The following CTDP1 variants were observed in gnomAD, a reference collection of about 807,000 sequenced individuals.
CTDP1 encodes CTD phosphatase 1, also known as RNA polymerase II subunit A C-terminal domain phosphatase.
In CTDP1, 47 loss-of-function variants were observed where a neutral mutation model predicts 91.8. That is an observed-to-expected ratio of 0.51 (90% confidence interval 0.41 to 0.65). CTDP1 has a LOEUF of 0.65. Ranked by LOEUF, CTDP1 falls within the 30% of genes least tolerant of loss-of-function variation. The probability of loss-of-function intolerance (pLI) is 0.00; values close to 1 mark genes in which losing one functional copy is unlikely to be tolerated. For synonymous variants in CTDP1, 656 were observed against 598.5 expected (o/e 1.10, Z -1.40); for missense variants, 1,272 against 1,373.7 (o/e 0.93, Z 1.17).
In CTDP1 at chr18:79,753,797, G is replaced by A; in HGVS notation, c.*7G>A. The A allele has an allele frequency of 1.2e-6, 2 of 1,612,302 alleles. No homozygotes were observed. The highest frequency in any genetic ancestry group is 1.7e-6 in the Non-Finnish European group (2 of 1,179,748). ...GCTCAACGACCTCATGTGAGCGCGG[G>A]CAGCGGGCAGGGACTGAAGCCTGAC... On this transcript the variant is annotated 3_prime_UTR_variant, in exon 13 of 13. Coordinates refer to ENST00000613122, the MANE Select transcript of CTDP1 (RefSeq NM_004715.5).
intron 10 of CTDP1, 25 bp downstream of exon 10, chr18:79,718,041 C>T: frequency 6.2e-7 from 1 of 1,611,222 alleles, no homozygotes; most frequent in Middle Eastern, 1.6e-4. Context: ...AGCCACTGTC[C>T]CCAGCTAATG....
At chr18:79,718,065 C>CT in intron 10 of CTDP1, 49 bp downstream of exon 10, 1 of 1,600,452 alleles carries the variant, frequency 6.2e-7, no homozygotes, top group South Asian at 1.1e-5. Context: ...GCTCTTCAAG[C>CT]TTGCTGCTCC....
At chr18:79,710,667 C>A (rs570853564) in intron 6 of CTDP1, among the ~76,000 whole-genome samples, 2 of 149,512 alleles carry the variant, frequency 1.3e-5, no homozygotes, top group Admixed American at 6.7e-5. Context: ...ACTACAGGCA[C>A]CCACCACCTC....
At position 79,680,057 on chromosome 18, in the gene CTDP1, T is replaced by G. The variant is rs1032105043; in HGVS notation, c.110T>G (p.Val37Gly). The change falls in exon 1 of 13, where the codon GTG (valine) becomes GGG (glycine). Residue 37 changes from valine (V) to glycine (G), a missense_variant. Val to Gly is a moderately radical substitution (Grantham distance 109). This residue lies in a region of CTDP1 where 214 missense variants were observed against 179.1 expected (regional missense o/e 1.19). Coordinates refer to ENST00000613122, the MANE Select transcript of CTDP1 (RefSeq NM_004715.5). ...CCGCTGCGCCTGCTGGAGTGGAGGG[T>G]GGCGGCGGGCGCGGCCGTGCGCATC... ...PAPLRLLEWRVAAGAAVRIGS... is the reference protein window; with the variant it reads ...PAPLRLLEWRGAAGAAVRIGS... The G allele has an allele frequency of 8.0e-7, 1 of 1,252,378 alleles. No individual in the cohort carries two copies. 77.6% of individuals were successfully genotyped at this position (1,252,378 alleles called of 1,614,324 possible).
rs757022244 is a variant in CTDP1, at chr18:79,717,943, A to C, written c.2344A>C (p.Ile782Leu). ...CTACGACTCCAACACGGGGAAGCTCATCAGGACGGGCGCCCGGGGGCCCCC... is the reference window on the plus strand; with the variant it reads ...CTACGACTCCAACACGGGGAAGCTCCTCAGGACGGGCGCCCGGGGGCCCCC... ...RIYDSNTGKL[I>L]RTGARGPPAP... Residue 782 changes from isoleucine (I) to leucine (L), a missense_variant, in exon 10 of 13, where the codon ATC (isoleucine) becomes CTC (leucine). By Grantham distance (5) the Ile-to-Leu change is conservative. Transcript: ENST00000613122. 2.5e-6 allele frequency: 4 copies of C among 1,613,410 alleles called. No homozygotes were observed. The highest frequency in any genetic ancestry group is 2.2e-5 in the South Asian group (2 of 91,090).
Position 79,740,262 on chromosome 18 carries a change from A to G in CTDP1, c.2747+3741A>G, listed in dbSNP as rs1385823461. 3.9e-5 allele frequency among the ~76,000 whole-genome samples: 6 copies of G among 152,080 alleles called. No homozygotes were observed. The South Asian group carries it at 1.2e-3, about 32-fold the overall frequency. On this transcript the variant is annotated intron_variant, in intron 12 of 12. Coordinates refer to ENST00000613122, the MANE Select transcript of CTDP1 (RefSeq NM_004715.5). ...GCCTGCCGTTTGCGGATCGCTGTGG[A>G]CGTGTGGCCGCGATAGCAGCCTGAC...
At chr18:79,730,913 C>T (rs918435196) in intron 11 of CTDP1, among the ~76,000 whole-genome samples, 9 of 152,356 alleles carry the variant, frequency 5.9e-5, no homozygotes, top group African/African-American at 2.2e-4. Flanking sequence ...AGCCGTGGCG[C>T]CTGGTTATTA....
At chr18:79,690,886 C>T (rs1438220752) in intron 1 of CTDP1, among the ~76,000 whole-genome samples, 2 of 152,200 alleles carry the variant, frequency 1.3e-5, no homozygotes, top group East Asian at 1.9e-4. Flanking sequence ...TACGTGACTC[C>T]GACGTGGCCA....
intron 3 of CTDP1, among the ~76,000 whole-genome samples, chr18:79,697,576 A>G (rs1457753847): frequency 2.6e-5 from 4 of 152,204 alleles, no homozygotes; most frequent in Non-Finnish European, 4.4e-5. Context: ...TGAGCACTCC[A>G]TACTGTTGAA....
intron 10 of CTDP1, among the ~76,000 whole-genome samples, chr18:79,727,884 TA>T (rs987352945): frequency 1.3e-5 from 2 of 152,114 alleles, no homozygotes; most frequent in Non-Finnish European, 2.9e-5. Flanking sequence ...AGGCTTGCCT[TA>T]AATTCCAGCA....
Position 79,713,032 on chromosome 18 carries a change from G to T in CTDP1, c.924G>T (p.Trp308Cys), listed in dbSNP as rs2086114593. The change falls in exon 7 of 13, where the codon TGG becomes TGT. Residue 308 changes from tryptophan (W) to cysteine (C), a missense_variant. By Grantham distance (215) the Trp-to-Cys change is radical (BLOSUM62 -2). Transcript: ENST00000613122. The surrounding 1 kb of genome is among the most constrained non-coding windows in gnomAD (Gnocchi z 4.7). Reference sequence around the variant, plus strand: ...TTATTGATGATCGAGAAGATGTCTGGAAGTTTGCCCCCAATCTGATAACTG... The same window carrying T: ...TTATTGATGATCGAGAAGATGTCTGTAAGTTTGCCCCCAATCTGATAACTG... The part of the protein sequence containing the change: ...VCIIDDREDV[W>C]KFAPNLITVK... 1 of 1,614,008 alleles carries T rather than the reference G, an allele frequency of 6.2e-7. No homozygotes were observed. Among genetic ancestry groups the T allele is most frequent in the South Asian group, 1.1e-5 (1 of 91,080 alleles).
intron 1 of CTDP1, among the ~76,000 whole-genome samples, chr18:79,684,062 C>T (rs908108084): frequency 1.3e-5 from 2 of 152,248 alleles, no homozygotes; most frequent in Non-Finnish European, 2.9e-5. Context: ...GAGCAGACAG[C>T]GGCAGCAGCC....
At chr18:79,746,389 C>T (rs2086883453) in intron 12 of CTDP1, among the ~76,000 whole-genome samples, 1 of 152,108 alleles carries the variant, frequency 6.6e-6, no homozygotes, top group African/African-American at 2.4e-5. Context: ...CCGTGCGTCC[C>T]TCCCATGCGT....
At chr18:79,726,721 A>G (rs1402676375) in intron 10 of CTDP1, among the ~76,000 whole-genome samples, 4 of 138,428 alleles carry the variant, frequency 2.9e-5, no homozygotes, top group African/African-American at 8.1e-5. Context: ...TGGGGGATGG[A>G]GGTGACGAGG....
chr18:79,696,178 G>C, intron 3 of CTDP1, 108 bp downstream of exon 3: 1 of 910,324 alleles, frequency 1.1e-6, no homozygotes, highest in South Asian at 1.4e-5. Flanking sequence ...TGTCATCGTC[G>C]TTACTGAAAC....
intron 11 of CTDP1, among the ~76,000 whole-genome samples, chr18:79,734,799 G>A (rs1259392979): frequency 6.6e-6 from 1 of 152,236 alleles, no homozygotes; most frequent in Non-Finnish European, 1.5e-5. Flanking sequence ...ATTCAGTGAT[G>A]TAAGCATTCT....
chr18:79,704,653 G>A (rs1285498112), intron 4 of CTDP1, 114 bp from the exon 5 acceptor site: 29 of 1,421,696 alleles, frequency 2.0e-5, no homozygotes, highest in Non-Finnish European at 2.6e-5. Flanking sequence ...TCTTCAGAAC[G>A]CTTGTCTGGG....
chr18:79,732,037 C>CA (rs563603010), intron 11 of CTDP1, among the ~76,000 whole-genome samples: 1 of 149,638 alleles, frequency 6.7e-6, no homozygotes, highest in Non-Finnish European at 1.5e-5. Flanking sequence ...GGAGTGCTCC[C>CA]AAAATCACAT....
At chr18:79,750,436 A>G (rs2086971973) in intron 12 of CTDP1, among the ~76,000 whole-genome samples, 1 of 152,092 alleles carries the variant, frequency 6.6e-6, no homozygotes, top group South Asian at 2.1e-4. Context: ...TGACATAAAA[A>G]TAAATTCGTT....
Sources: gnomAD v4.1 joint callset for allele counts (sites outside exome capture counted in the v4.1 genomes callset) on GRCh38, gnomAD v4.1.1 for gene constraint, gnomAD v4.1.1 regional missense constraint, Gnocchi (gnomAD v3.1) non-coding constraint, MANE v1.5 for transcripts, NCBI Gene and HGNC (gene_info 2026-07-23, HGNC 2026-07-21) for gene names.